Variants in TRIO observed in about 807,000 individuals in gnomAD.
TRIO encodes trio Rho guanine nucleotide exchange factor.
A neutral mutation model predicts 351.9 loss-of-function variants in TRIO; 58 were observed. The observed-to-expected ratio is 0.16, with a 90% confidence interval of 0.13 to 0.21. The LOEUF (loss-of-function observed/expected upper bound fraction) is 0.21, where lower values mean the gene tolerates loss of function less well. Among genes scored for constraint, TRIO ranks in the 10% least tolerant of loss-of-function variants. TRIO has a pLI of 1.00. For missense variants in TRIO, 3,201 were observed against 4,027.8 expected, an observed-to-expected ratio of 0.79 and a Z score of 5.56; for synonymous variants, 1,758 against 1,595.7, an observed-to-expected ratio of 1.10 and a Z score of -2.42.
chr5:14,293,575 A>G (rs981378320), intron 6 of TRIO, among the ~76,000 whole-genome samples: 32 of 152,192 alleles, frequency 2.1e-4, no homozygotes, highest in African/African-American at 7.5e-4. Context: ...CTCCTGAGGC[A>G]TGAGATTTCC....
Position 14,330,809 on chromosome 5 carries a change from C to T in TRIO, c.1763C>T (p.Ala588Val), listed in dbSNP as rs1172004134. ...GACTGGATCGAGAACCACGGAGAAG[C>T]ATTTCTGAGCAAACATACAGGTGTG... ...VLDWIENHGE[A>V]FLSKHTGVGK... The change falls in exon 10 of 57, where the codon GCA becomes GTA. Residue 588 changes from alanine (A) to valine (V), a missense_variant. Coordinates refer to ENST00000344204, the MANE Select transcript of TRIO (RefSeq NM_007118.4). The T allele has an allele frequency of 6.2e-7, 1 of 1,614,150 alleles. No individual in the cohort carries two copies. Among genetic ancestry groups the T allele is most frequent in the East Asian group, 2.2e-5 (1 of 44,888 alleles).
chr5:14,354,975 G>A (rs1743481352), intron 11 of TRIO, among the ~76,000 whole-genome samples: 1 of 152,202 alleles, frequency 6.6e-6, no homozygotes, highest in African/African-American at 2.4e-5. Context: ...TTCTTTGTGA[G>A]CAGAATCAGT....
chr5:14,383,342 T>C (rs1746277466), intron 21 of TRIO, among the ~76,000 whole-genome samples: 1 of 152,152 alleles, frequency 6.6e-6, no homozygotes, highest in African/African-American at 2.4e-5. Context: ...CTGCAGGCCA[T>C]TGTGTATGGC....
intron 2 of TRIO, among the ~76,000 whole-genome samples, chr5:14,274,587 A>G (rs1391944527): frequency 6.6e-6 from 1 of 152,166 alleles, no homozygotes; most frequent in Non-Finnish European, 1.5e-5. Flanking sequence ...TATCCCGTAA[A>G]GAGAGATGTC....
At chr5:14,312,795 G>T (rs2152302901) in intron 8 of TRIO, among the ~76,000 whole-genome samples, 1 of 152,150 alleles carries the variant, frequency 6.6e-6, no homozygotes, top group African/African-American at 2.4e-5. Context: ...TTTTTTGTCT[G>T]CTCTATATAG....
At chr5:14,148,688 G>A (rs972993078) in intron 1 of TRIO, among the ~76,000 whole-genome samples, 4 of 152,178 alleles carry the variant, frequency 2.6e-5, no homozygotes, top group African/African-American at 4.8e-5. Context: ...TTGGATTTGC[G>A]GGAGAATCCC....
chr5:14,450,670 T>TTAA (rs1301742737), intron 34 of TRIO, among the ~76,000 whole-genome samples: 4 of 152,240 alleles, frequency 2.6e-5, no homozygotes, highest in African/African-American at 9.6e-5. Context: ...AAATTTGCTT[T>TTAA]TAATAGTCTT....
At chr5:14,195,763 C>A (rs932138221) in intron 1 of TRIO, among the ~76,000 whole-genome samples, 2 of 152,282 alleles carry the variant, frequency 1.3e-5, no homozygotes, top group African/African-American at 4.8e-5. Context: ...TGATTGTGAT[C>A]TGTTATTATC....
At chr5:14,296,692 G>T (rs1327670881) in intron 6 of TRIO, among the ~76,000 whole-genome samples, 1 of 152,188 alleles carries the variant, frequency 6.6e-6, no homozygotes, top group Non-Finnish European at 1.5e-5. Context: ...AGAGCGCTGG[G>T]TCCCTCAGTT....
intron 35 of TRIO, among the ~76,000 whole-genome samples, chr5:14,461,520 G>T (rs555417134): frequency 6.6e-6 from 1 of 152,228 alleles, no homozygotes; most frequent in Non-Finnish European, 1.5e-5. Flanking sequence ...TCAGGACCAC[G>T]TGTGGCTTCT....
chr5:14,374,757 T>C (rs1294759548), intron 19 of TRIO, among the ~76,000 whole-genome samples: 2 of 152,310 alleles, frequency 1.3e-5, no homozygotes, highest in African/African-American at 4.8e-5. Context: ...ATTAATTTTG[T>C]ATACCTAAGG....
At position 14,396,955 on chromosome 5, in the gene TRIO, C is replaced by T. The variant is rs538231794; in HGVS notation, c.4312-88C>T. On this transcript the variant is annotated intron_variant, in intron 28 of 56. Coordinates refer to ENST00000344204, the MANE Select transcript of TRIO (RefSeq NM_007118.4). ...CACATTCTGTTTTTATCTTGAAAGCCATGGGCTTTCATAAACTGTTTCTGC... is the reference window on the plus strand; with the variant it reads ...CACATTCTGTTTTTATCTTGAAAGCTATGGGCTTTCATAAACTGTTTCTGC... 9.8e-6 allele frequency: 11 copies of T among 1,120,170 alleles called. No individual in the cohort carries two copies. The African/African-American group carries it at 1.4e-4, about 14-fold the overall frequency. The allele number at this position is 1,120,170 out of a possible 1,614,324, so 69.4% of individuals were successfully genotyped here. A position where few individuals can be genotyped will look rare whatever the true frequency, so the allele number is the denominator to read the frequency against.
At chr5:14,158,921 T>G (rs1177793115) in intron 1 of TRIO, among the ~76,000 whole-genome samples, 1 of 152,204 alleles carries the variant, frequency 6.6e-6, no homozygotes, top group Non-Finnish European at 1.5e-5. Flanking sequence ...AGTTATTGAG[T>G]GTTTACTATG....
chr5:14,330,696 AG>A, intron 9 of TRIO, 81 bp from the exon 10 acceptor site: 3 of 1,469,688 alleles, frequency 2.0e-6, no homozygotes, highest in Non-Finnish European at 2.7e-6. Context: ...TAACAACAGA[AG>A]GGGTCTTCAT....
intron 48 of TRIO, among the ~76,000 whole-genome samples, chr5:14,491,904 A>G (rs62345873): frequency 0.016 from 2,416 of 152,280 alleles, 21 homozygotes; most frequent in Non-Finnish European, 0.025. Flanking sequence ...GAGTCATGCA[A>G]GTTCATAAGA....
At chr5:14,280,723 T>C (rs1735918832) in intron 3 of TRIO, among the ~76,000 whole-genome samples, 1 of 152,206 alleles carries the variant, frequency 6.6e-6, no homozygotes, top group Non-Finnish European at 1.5e-5. Flanking sequence ...AAAGCCATTG[T>C]TGATGATTCT....
chr5:14,462,326 T>A (rs572500403), intron 35 of TRIO, among the ~76,000 whole-genome samples: 1 of 152,366 alleles, frequency 6.6e-6, no homozygotes, highest in South Asian at 2.1e-4. Context: ...ATCCAGTGCT[T>A]AAAATGCATC....
intron 8 of TRIO, among the ~76,000 whole-genome samples, chr5:14,313,019 A>G (rs1739062947): frequency 1.3e-5 from 2 of 152,236 alleles, no homozygotes; most frequent in South Asian, 4.1e-4. Context: ...CAAATCTACA[A>G]AACTTGTACT....
In TRIO at chr5:14,394,026, G is replaced by A. The variant is rs1228036987; in HGVS notation, c.4219-12G>A. 8.8e-6 allele frequency: 14 copies of A among 1,599,758 alleles called. No homozygotes were observed. The highest frequency in any genetic ancestry group is 1.3e-5 in the African/African-American group (1 of 74,462). ...TATGATAACTCTTGTTTCTTGTTTG[G>A]TTTTAATACAGGAGATACAGCAGCG... On this transcript the variant is annotated splice_polypyrimidine_tract_variant and intron_variant, in intron 27 of 56. Transcript: ENST00000344204.
Sources: allele counts gnomAD v4.1 joint callset (sites outside exome capture counted in the v4.1 genomes callset), GRCh38; gene constraint gnomAD v4.1.1; transcripts MANE v1.5; gene names NCBI Gene and HGNC (gene_info 2026-07-23, HGNC 2026-07-21).